The following PUSL1 variants were observed in gnomAD, a reference collection of about 807,000 sequenced individuals.
PUSL1 encodes the protein tRNA pseudouridine synthase-like 1.
In PUSL1, 51 loss-of-function variants were observed where a neutral mutation model predicts 30.7. The observed-to-expected ratio is 1.66, with a 90% CI of 1.33 to 2.10. The LOEUF (loss-of-function observed/expected upper bound fraction) is 2.10, where lower values mean the gene tolerates loss of function less well. Among genes scored for constraint, PUSL1 ranks in the 30% most tolerant of loss-of-function variants. The pLI is 0.00. For missense variants in PUSL1, 609 were observed against 427.6 expected, an observed-to-expected ratio of 1.42 and a Z score of -3.74; for synonymous variants, 290 against 192.1, an observed-to-expected ratio of 1.51 and a Z score of -4.21.
Position 1,309,741 on chromosome 1 carries a change from C to G in PUSL1, c.534C>G (p.Phe178Leu), listed in dbSNP as rs755853505. 1 of 1,596,090 alleles carries G rather than the reference C, an allele frequency of 6.3e-7. No homozygotes were observed. Among genetic ancestry groups the G allele is most frequent in the Non-Finnish European group, 8.5e-7 (1 of 1,171,738 alleles). ...AGCACCTCCTCGGCACACACGACTT[C>G]AGCGCCTTCCAGTCCGCTGGCAGCC... is the stretch of plus-strand genomic sequence containing the variant. Reference protein sequence around the residue: ...AAQHLLGTHDFSAFQSAGSPV... With the variant: ...AAQHLLGTHDLSAFQSAGSPV... Residue 178 changes from phenylalanine (F) to leucine (L), a missense_variant, in exon 5 of 8, where the codon TTC (phenylalanine) becomes TTG (leucine). Physicochemically the swap from Phe to Leu is conservative, Grantham distance 22. Transcript: ENST00000379031.
chr1:1,309,596 C>G lies in PUSL1; in HGVS notation c.466C>G (p.Pro156Ala). ...VFERNLCWTL[P>A]ADCLDMVAMQ... is the part of the protein sequence containing the mutation. Reference sequence around the variant, plus strand: ...TGAACGCAACCTATGCTGGACTCTCCCGGCAGAGTGAGTGTGGCCCTGACA... The same window carrying G: ...TGAACGCAACCTATGCTGGACTCTCGCGGCAGAGTGAGTGTGGCCCTGACA... Residue 156 changes from proline (P) to alanine (A), a missense_variant, in exon 4 of 8, where the codon CCG (proline) becomes GCG (alanine). By Grantham distance (27) the Pro-to-Ala change is conservative. Coordinates refer to ENST00000379031, the MANE Select transcript of PUSL1 (RefSeq NM_153339.3). 6.2e-7 allele frequency: 1 copy of G among 1,611,020 alleles called. No homozygotes were observed. The highest frequency in any genetic ancestry group is 8.5e-7 in the Non-Finnish European group (1 of 1,178,990).
Position 1,308,958 on chromosome 1 carries a change from C to G in PUSL1, c.121C>G (p.Gln41Glu). 1.4e-6 allele frequency: 2 copies of G among 1,423,116 alleles called. No homozygotes were observed. Among genetic ancestry groups the G allele is most frequent in the East Asian group, 2.8e-5 (1 of 35,326 alleles). 88.2% of individuals were successfully genotyped at this position (1,423,116 alleles called of 1,614,324 possible). Residue 41 changes from glutamine (Q) to glutamate (E), a missense_variant, in exon 2 of 8, where the codon CAG becomes GAG. By Grantham distance (29) the Gln-to-Glu change is conservative. Coordinates refer to ENST00000379031, the MANE Select transcript of PUSL1 (RefSeq NM_153339.3). ...VRGTQRAVGV[Q>E]NYLEEAAERL... ...GGGCACTCAGCGCGCCGTCGGGGTCCAGAACTACCTGGAGGTGCGCTCAGC... is the reference window on the plus strand; with the variant it reads ...GGGCACTCAGCGCGCCGTCGGGGTCGAGAACTACCTGGAGGTGCGCTCAGC...
chr1:1,311,187 C>T (rs1642124634), intron 7 of PUSL1, 116 bp downstream of exon 7: 3 of 1,427,262 alleles, frequency 2.1e-6, no homozygotes, highest in Non-Finnish European at 2.8e-6. Context: ...AAGCAGCCCC[C>T]CGCCCAGGGC....
intron 6 of PUSL1, 80 bp from the exon 7 acceptor site, chr1:1,310,829 C>G (rs1570692807): frequency 6.2e-7 from 1 of 1,609,870 alleles, no homozygotes. Flanking sequence ...ACGGGCGGCT[C>G]TGGGTCACAG....
At position 1,309,365 on chromosome 1, in the gene PUSL1, C is replaced by A. The variant is rs1641960254; in HGVS notation, c.324-89C>A. On this transcript the variant is annotated intron_variant, in intron 3 of 7. Coordinates refer to ENST00000379031, the MANE Select transcript of PUSL1 (RefSeq NM_153339.3). ...TGGAGATCTGGACAGACTTCCTTGT[C>A]TGGTCGGAGCTCGAGGGGGAAGGAG... 2.7e-6 allele frequency: 4 copies of A among 1,477,120 alleles called. No individual in the cohort carries two copies. The African/African-American group carries it at 4.2e-5, about 15-fold the overall frequency. 91.5% of individuals were successfully genotyped at this position (1,477,120 alleles called of 1,614,324 possible).
intron 5 of PUSL1, 143 bp downstream of exon 5, chr1:1,309,994 CGCCCGGACGCCCCCCA>C: frequency 1.6e-6 from 1 of 610,086 alleles, no homozygotes; most frequent in Non-Finnish European, 2.8e-6. Flanking sequence ...GGAGGGGATT[CGCCCGGACGCCCCCCA>C]GCCTCCAGCT....
rs764937483 is a variant in PUSL1, at chr1:1,309,182, C to T, written c.232C>T (p.Leu78=). The change falls in exon 3 of 8, where the codon CTG becomes TTG. Residue 78 remains leucine (L), a synonymous_variant. Transcript: ENST00000379031. ...GVHALSNAAH[L]DVQRRSGRPP... ...CCACGCCCTGAGCAACGCGGCGCAC[C>T]TGGACGTCCAGCGCCGCTCAGGCCG... is the stretch of plus-strand genomic sequence containing the variant. 1 of 1,542,248 alleles carries T rather than the reference C, an allele frequency of 6.5e-7. No individual in the cohort carries two copies. Among genetic ancestry groups the T allele is most frequent in the East Asian group, 2.4e-5 (1 of 41,516 alleles).
rs1641905325 is a variant in PUSL1, at chr1:1,308,690, T to A, written c.47T>A (p.Val16Glu). The A allele has an allele frequency of 1.3e-6, 2 of 1,557,314 alleles. No homozygotes were observed. Among genetic ancestry groups the A allele is most frequent in the East Asian group, 5.2e-5 (2 of 38,642 alleles). ...GGCTCCGTGCGCGCGCGCTATCTTGTGTACTTCCAGTACGTGGGCACCGAC... is the reference window on the plus strand; with the variant it reads ...GGCTCCGTGCGCGCGCGCTATCTTGAGTACTTCCAGTACGTGGGCACCGAC... ...ASGSVRARYL[V>E]YFQYVGTDFN... is the part of the protein sequence containing the mutation. Residue 16 changes from valine to glutamate, a missense_variant, in exon 1 of 8, where the codon GTG becomes GAG. Transcript: ENST00000379031.
chr1:1,309,753 G>C lies in PUSL1; in HGVS notation c.546G>C (p.Gln182His). ...GCACACACGACTTCAGCGCCTTCCAGTCCGCTGGCAGCCCGGTGCCGAGCC... is the reference window on the plus strand; with the variant it reads ...GCACACACGACTTCAGCGCCTTCCACTCCGCTGGCAGCCCGGTGCCGAGCC... ...LLGTHDFSAF[Q>H]SAGSPVPSPV... Residue 182 changes from glutamine to histidine, a missense_variant, in exon 5 of 8, where the codon CAG becomes CAC. By Grantham distance (24) the Gln-to-His change is conservative (BLOSUM62 0). Transcript: ENST00000379031. The C allele has an allele frequency of 1.3e-6, 2 of 1,590,042 alleles. No individual in the cohort carries two copies. Among genetic ancestry groups the C allele is most frequent in the Non-Finnish European group, 1.7e-6 (2 of 1,168,674 alleles).
chr1:1,309,418 G>C (rs779239882), intron 3 of PUSL1, 36 bp from the exon 4 acceptor site: 19 of 1,554,090 alleles, frequency 1.2e-5, no homozygotes, highest in Admixed American at 1.8e-5. Context: ...GGGCGGGCGG[G>C]GTCGTTCCTC....
At chr1:1,310,758 C>T in intron 6 of PUSL1, 70 bp downstream of exon 6, 2 of 1,612,202 alleles carry the variant, frequency 1.2e-6, no homozygotes, top group Non-Finnish European at 8.5e-7. Context: ...GCAGTCTTGG[C>T]TCTGGGTCGT....
At position 1,311,391 on chromosome 1, in the gene PUSL1, C is replaced by CA; in HGVS notation, c.*14dup. 1 of 1,601,586 alleles carries CA rather than the reference C, an allele frequency of 6.2e-7. No homozygotes were observed. Among genetic ancestry groups the CA allele is most frequent in the Non-Finnish European group, 8.5e-7 (1 of 1,174,524 alleles). On this transcript the variant is annotated 3_prime_UTR_variant, in exon 8 of 8. Transcript: ENST00000379031. ...GGAGCCACGGATGACCCTGGACACT[C>CA]AAGCCAAAGTTAGGCCACACCAGGC...
rs780171796 is a variant in PUSL1, at chr1:1,308,604, C to T, written c.-40C>T. ...CGTCCGCGCGCGCGCAGGATTCCTGCGCTGGAGGCCGCCTCTGACGCCACC... is the reference window on the plus strand; with the variant it reads ...CGTCCGCGCGCGCGCAGGATTCCTGTGCTGGAGGCCGCCTCTGACGCCACC... On this transcript the variant is annotated 5_prime_UTR_variant, in exon 1 of 8. Transcript: ENST00000379031. 7.7e-6 allele frequency: 9 copies of T among 1,170,304 alleles called. No individual in the cohort carries two copies. The highest frequency in any genetic ancestry group is 1.0e-5 in the Non-Finnish European group (9 of 879,558). The allele number at this position is 1,170,304 out of a possible 1,614,324, so 72.5% of individuals were successfully genotyped here.
At chr1:1,310,151 G>C (rs1642039933) in intron 5 of PUSL1, 1 of 440,692 alleles carries the variant, frequency 2.3e-6, no homozygotes, top group Admixed American at 4.1e-5. Flanking sequence ...GTTCTGGTGG[G>C]GTGGTTTCTG....
intron 6 of PUSL1, 45 bp from the exon 7 acceptor site, chr1:1,310,864 G>GTGGGTCACGGGCGGCTC (rs769326814): frequency 1.2e-6 from 2 of 1,605,660 alleles, no homozygotes; most frequent in Non-Finnish European, 1.7e-6. Flanking sequence ...GGCTGTGCTG[G>GTGGGTCACGGGCGGCTC]TGGGTCACGG....
intron 1 of PUSL1, 64 bp downstream of exon 1, chr1:1,308,784 C>A (rs1641913917): frequency 3.4e-6 from 5 of 1,453,162 alleles, no homozygotes; most frequent in Non-Finnish European, 4.6e-6. Context: ...AAGGAGGGCG[C>A]GGGCGGGCAG....
Position 1,309,611 on chromosome 1 carries a change from T to C in PUSL1, c.473+8T>C, listed in dbSNP as rs781042696. ...CTGGACTCTCCCGGCAGAGTGAGTG[T>C]GGCCCTGACAGCGGGGAGGGGGCGG... On this transcript the variant is annotated splice_region_variant and intron_variant, in intron 4 of 7. Transcript: ENST00000379031. 5.6e-6 allele frequency: 9 copies of C among 1,601,868 alleles called. No homozygotes were observed. Among genetic ancestry groups the C allele is most frequent in the Non-Finnish European group, 6.8e-6 (8 of 1,171,410 alleles).
chr1:1,308,996 G>T (rs771626315), intron 2 of PUSL1, 24 bp downstream of exon 2: 4 of 1,395,304 alleles, frequency 2.9e-6, no homozygotes, highest in Non-Finnish European at 3.7e-6. Context: ...GTCACGGGAC[G>T]CCCGGTGAGG....
Position 1,309,672 on chromosome 1 carries a change from TC to T in PUSL1, c.474-6del. Reference sequence around the variant, plus strand: ...CCCACCCTCCTGACGGTCACCCTGGTCCCTGAAGCTGCCTGGATATGGTCGC... The same window carrying T: ...CCCACCCTCCTGACGGTCACCCTGGTCCTGAAGCTGCCTGGATATGGTCGC... On this transcript the variant is annotated splice_region_variant and splice_polypyrimidine_tract_variant and intron_variant, in intron 4 of 7. Transcript: ENST00000379031. 6.3e-7 allele frequency: 1 copy of T among 1,596,204 alleles called. No homozygotes were observed.
Sources: gnomAD v4.1 joint callset for allele counts on GRCh38, gnomAD v4.1.1 for gene constraint, MANE v1.5 for transcripts, NCBI Gene and HGNC (gene_info 2026-07-23, HGNC 2026-07-21) for gene names.